Variants in CHD2 observed in about 807,000 individuals in gnomAD.
The protein encoded by CHD2 is ATP-dependent chromatin remodeler CHD2.
CHD2 carries 28 observed loss-of-function variants against 243.9 expected under a neutral mutation model. That is an observed-to-expected ratio of 0.11 (90% CI 0.09 to 0.16). The LOEUF is 0.16. Ranked by LOEUF, CHD2 falls within the 10% of genes least tolerant of loss-of-function variation. CHD2 has a pLI of 1.00. For synonymous variants in CHD2, 775 were observed against 779.0 expected (o/e 0.99, Z 0.09); for missense variants, 1,386 against 2,209.8 (o/e 0.63, Z 7.47).
At chr15:92,909,548 C>T (rs1596366885) in intron 2 of CHD2, among the ~76,000 whole-genome samples, 1 of 151,988 alleles carries the variant, frequency 6.6e-6, no homozygotes, top group African/African-American at 2.4e-5. Context: ...TACCCAGCCT[C>T]GTGGTGGTAT....
chr15:92,903,559 AAATT>A (rs2052560917), intron 2 of CHD2, among the ~76,000 whole-genome samples: 1 of 150,038 alleles, frequency 6.7e-6, no homozygotes, highest in Non-Finnish European at 1.5e-5. Context: ...CGATTTTTGA[AAATT>A]AAAAACTTTA....
At chr15:92,952,690 C>T (rs1410637910) in intron 13 of CHD2, among the ~76,000 whole-genome samples, 1 of 152,254 alleles carries the variant, frequency 6.6e-6, no homozygotes, top group Non-Finnish European at 1.5e-5. Flanking sequence ...CCGCTGCTCA[C>T]CTTCTGCTGT....
chr15:92,993,900 A>C (rs759712142), intron 28 of CHD2, among the ~76,000 whole-genome samples: 14 of 152,050 alleles, frequency 9.2e-5, no homozygotes, highest in Non-Finnish European at 1.6e-4. Flanking sequence ...GTGAGTTGAG[A>C]TCATGCCGCT....
chr15:93,015,698 G>A (rs1313628251), intron 37 of CHD2, among the ~76,000 whole-genome samples: 1 of 151,842 alleles, frequency 6.6e-6, no homozygotes, highest in Non-Finnish European at 1.5e-5. Flanking sequence ...GTGGGTAAAG[G>A]ACCTGAATAG....
At chr15:92,984,611 C>A in intron 25 of CHD2, 111 bp downstream of exon 25, 1 of 1,056,096 alleles carries the variant, frequency 9.5e-7, no homozygotes, top group Non-Finnish European at 1.3e-6. Context: ...ACAGAGGCTT[C>A]AGGAGCAGAG....
At position 92,991,961 on chromosome 15, in the gene CHD2, A is replaced by G. The variant is rs566992295; in HGVS notation, c.3455+444A>G. 1.5e-4 allele frequency among the ~76,000 whole-genome samples: 23 copies of G among 152,398 alleles called. No homozygotes were observed. The East Asian group carries it at 3.8e-3, about 26-fold the overall frequency. ...GAGGATTAAATACAAAGGACTTAAC[A>G]TAGCCTTGACTATAAAAACTTCCAA... On this transcript the variant is annotated intron_variant, in intron 27 of 38. Coordinates refer to ENST00000394196, the MANE Select transcript of CHD2 (RefSeq NM_001271.4).
At chr15:92,975,662 A>G (rs898603102) in intron 20 of CHD2, among the ~76,000 whole-genome samples, 1 of 151,608 alleles carries the variant, frequency 6.6e-6, no homozygotes, top group Non-Finnish European at 1.5e-5. Context: ...AGCCTGAGCC[A>G]CTACTTTTTT....
rs1028795105 is a variant in CHD2 at position 93,020,038 on chromosome 15, A to C, written c.4933A>C (p.Lys1645Gln). 2 of 1,613,284 alleles carry C rather than the reference A, an allele frequency of 1.2e-6. No individual in the cohort carries two copies. The highest frequency in any genetic ancestry group is 8.5e-7 in the Non-Finnish European group (1 of 1,179,358). ...ADRGDWQRER[K>Q]FNYGGGNNNP... ...TCGAGGAGACTGGCAGAGGGAAAGA[A>C]AGTTCAACTATGGTGGTGGCAACAA... Residue 1645 changes from lysine (K) to glutamine (Q), a missense_variant, in exon 38 of 39, where the codon AAG becomes CAG. Lys to Gln is a moderately conservative substitution (Grantham distance 53). This residue lies in a region of CHD2 where 347 missense variants were observed against 341.6 expected (regional missense o/e 1.02). Transcript: ENST00000394196.
At position 92,904,784 on chromosome 15, in the gene CHD2, C is replaced by G. The variant is rs929932322; in HGVS notation, c.62+3485C>G. ...CCTTAGCGTCCCTTCTCCCCGCCCC[C>G]GTTCAGTGTGAAGAGATGAGTGGGT... On this transcript the variant is annotated intron_variant, in intron 2 of 38. Coordinates refer to ENST00000394196, the MANE Select transcript of CHD2 (RefSeq NM_001271.4). The G allele has an allele frequency of 1.4e-5, 20 of 1,416,412 alleles. No individual in the cohort carries two copies. In the East Asian group the frequency reaches 4.5e-4, roughly 32 times the overall value. 87.7% of individuals were successfully genotyped at this position (1,416,412 alleles called of 1,614,324 possible). A position where few individuals can be genotyped will look rare whatever the true frequency, so the allele number is the denominator to read the frequency against.
At chr15:93,012,321 A>G in intron 35 of CHD2, 24 bp from the exon 36 acceptor site, 1 of 1,522,738 alleles carries the variant, frequency 6.6e-7, no homozygotes, top group Non-Finnish European at 9.0e-7. Context: ...ATAATTCACC[A>G]GAACTGTTCA....
intron 20 of CHD2, among the ~76,000 whole-genome samples, chr15:92,976,587 G>C (rs1411676681): frequency 1.3e-5 from 2 of 151,792 alleles, no homozygotes; most frequent in African/African-American, 2.4e-5. Context: ...GGCCAAGATG[G>C]GGGAGGATCA....
At chr15:92,937,648 C>T (rs766747803) in intron 6 of CHD2, 23 bp downstream of exon 6, 22 of 1,547,432 alleles carry the variant, frequency 1.4e-5, no homozygotes, top group Non-Finnish European at 1.8e-5. Context: ...CTTAAGATCT[C>T]TACTTGGGAT....
chr15:93,021,855 CTT>C (rs2054538366), intron 38 of CHD2: 1 of 152,330 alleles, frequency 6.6e-6, no homozygotes, highest in South Asian at 2.1e-4. Context: ...TCCCCTGGTG[CTT>C]TCTGTGCCTA....
intron 34 of CHD2, 76 bp from the exon 35 acceptor site, chr15:93,009,069 C>T (rs549682130): frequency 2.1e-5 from 31 of 1,491,776 alleles, no homozygotes; most frequent in South Asian, 9.0e-5. Context: ...GTGTTTTCAT[C>T]GAGAGCACAG....
intron 2 of CHD2, among the ~76,000 whole-genome samples, chr15:92,909,008 G>C (rs1438509900): frequency 6.6e-6 from 1 of 151,744 alleles, no homozygotes; most frequent in Non-Finnish European, 1.5e-5. Context: ...AGTCCCAGCT[G>C]CTTGGGAGGC....
chr15:92,992,811 A>G, intron 27 of CHD2, 48 bp from the exon 28 acceptor site: 1 of 1,601,432 alleles, frequency 6.2e-7, no homozygotes, highest in African/African-American at 1.3e-5. Context: ...ACACTTAAGA[A>G]GAGTGGGCAC....
chr15:92,991,383 C>A, intron 26 of CHD2, 93 bp from the exon 27 acceptor site: 1 of 834,456 alleles, frequency 1.2e-6, no homozygotes, highest in Non-Finnish European at 1.9e-6. Flanking sequence ...TGACAATTTG[C>A]ATGGCTCATA....
Position 92,992,967 on chromosome 15 carries a change from C to T in CHD2, c.3564C>T (p.Tyr1188=), listed in dbSNP as rs2272457. The part of the protein sequence containing the change: ...HNSCVSAMQE[Y]EEQLKENASE... ...GCTGTGTGTCAGCAATGCAGGAATA[C>T]GAAGAGCAGCTGAAAGAAAATGCCA... Residue 1188 remains tyrosine, a synonymous_variant, in exon 28 of 39, where the codon TAC becomes TAT. Coordinates refer to ENST00000394196, the MANE Select transcript of CHD2 (RefSeq NM_001271.4). The T allele has an allele frequency of 0.26, 417,260 of 1,613,568 alleles. 56,146 individuals are homozygous for T. The highest frequency in any genetic ancestry group is 0.35 in the Middle Eastern group (2,089 of 5,892).
intron 16 of CHD2, 50 bp downstream of exon 16, chr15:92,956,699 CAATGCTT>C (rs1293608228): frequency 2.0e-6 from 3 of 1,521,306 alleles, no homozygotes; most frequent in Non-Finnish European, 2.7e-6. Flanking sequence ...TCTGAAATGC[CAATGCTT>C]TTTAACTTTC....
Sources: allele counts gnomAD v4.1 joint callset (sites outside exome capture counted in the v4.1 genomes callset), GRCh38; gene constraint gnomAD v4.1.1; regional missense constraint gnomAD v4.1.1; transcripts MANE v1.5; gene names NCBI Gene and HGNC (gene_info 2026-07-23, HGNC 2026-07-21).